Variants in SCHIP1 observed in about 807,000 individuals in gnomAD.
SCHIP1 encodes schwannomin-interacting protein 1.
In SCHIP1, 8 loss-of-function variants were observed where a neutral mutation model predicts 29.7. The observed-to-expected ratio is 0.27, with a 90% confidence interval of 0.16 to 0.49. The LOEUF (loss-of-function observed/expected upper bound fraction) is 0.49, where lower values mean the gene tolerates loss of function less well. Among genes scored for constraint, SCHIP1 ranks in the 20% least tolerant of loss-of-function variants. The pLI is 0.99. For synonymous variants in SCHIP1, 76 were observed against 94.9 expected (o/e 0.80, Z 1.16); for missense variants, 193 against 294.6 (o/e 0.66, Z 2.52).
chr3:159,780,906 A>G, the SCHIP1 span, among the ~76,000 whole-genome samples: 1 of 152,340 alleles, frequency 6.6e-6, no homozygotes, highest in East Asian at 1.9e-4. Flanking sequence ...GTGTGCTCTG[A>G]TGCCAGCTCA....
the SCHIP1 span, among the ~76,000 whole-genome samples, chr3:159,695,623 A>G: frequency 2.6e-5 from 4 of 152,114 alleles, no homozygotes; most frequent in African/African-American, 9.7e-5. Context: ...GGGTACAATA[A>G]ATCCATTTGG....
At chr3:159,569,821 C>A in the SCHIP1 span, among the ~76,000 whole-genome samples, 1 of 152,198 alleles carries the variant, frequency 6.6e-6, no homozygotes, top group Non-Finnish European at 1.5e-5. Flanking sequence ...ATATCCTCTC[C>A]AGCATATGTT....
the SCHIP1 span, among the ~76,000 whole-genome samples, chr3:159,335,386 C>A: frequency 6.6e-5 from 10 of 152,018 alleles, no homozygotes; most frequent in Non-Finnish European, 1.3e-4. Context: ...TACATGTGCA[C>A]AATGCACAGG....
the SCHIP1 span, among the ~76,000 whole-genome samples, chr3:159,309,871 CTGAAG>C: frequency 6.6e-6 from 1 of 152,104 alleles, no homozygotes; most frequent in Non-Finnish European, 1.5e-5. Context: ...TTTAATATAT[CTGAAG>C]TCATTATGAT....
chr3:159,491,894 A>C, the SCHIP1 span, among the ~76,000 whole-genome samples: 1 of 152,178 alleles, frequency 6.6e-6, no homozygotes. Context: ...TACTGCTCTG[A>C]GACAAAACTT....
At chr3:159,486,050 T>C in the SCHIP1 span, among the ~76,000 whole-genome samples, 8 of 152,188 alleles carry the variant, frequency 5.3e-5, no homozygotes, top group African/African-American at 1.7e-4. Flanking sequence ...ATATTTAAGG[T>C]ATACAGTGTG....
chr3:159,348,924 G>A, the SCHIP1 span, among the ~76,000 whole-genome samples: 2 of 152,146 alleles, frequency 1.3e-5, no homozygotes, highest in African/African-American at 4.8e-5. Context: ...CATAAGGAAT[G>A]AGTATTCAGT....
At chr3:159,589,792 C>T in the SCHIP1 span, among the ~76,000 whole-genome samples, 3 of 152,072 alleles carry the variant, frequency 2.0e-5, no homozygotes, top group Non-Finnish European at 4.4e-5. Flanking sequence ...GTTTACTGAG[C>T]AATATTCTGT....
At chr3:159,581,111 T>G in the SCHIP1 span, among the ~76,000 whole-genome samples, 1 of 152,130 alleles carries the variant, frequency 6.6e-6, no homozygotes, top group Non-Finnish European at 1.5e-5. Context: ...ATAATAAAAT[T>G]TGGGGAAGAC....
chr3:159,339,620 G>A, the SCHIP1 span, among the ~76,000 whole-genome samples: 1 of 152,152 alleles, frequency 6.6e-6, no homozygotes, highest in Non-Finnish European at 1.5e-5. Flanking sequence ...TGATAGATGT[G>A]CCTTCATGCA....
chr3:159,702,579 G>A, the SCHIP1 span, among the ~76,000 whole-genome samples: 1 of 152,214 alleles, frequency 6.6e-6, no homozygotes, highest in African/African-American at 2.4e-5. Context: ...AAAGAAGTGA[G>A]CTTCAAAGTC....
chr3:159,399,970 T>G, the SCHIP1 span, among the ~76,000 whole-genome samples: 1 of 152,174 alleles, frequency 6.6e-6, no homozygotes, highest in Non-Finnish European at 1.5e-5. Context: ...CACCTGGGCA[T>G]ATTTTAAAAA....
At chr3:159,794,380 AG>A in the SCHIP1 span, among the ~76,000 whole-genome samples, 8 of 152,334 alleles carry the variant, frequency 5.3e-5, no homozygotes, top group East Asian at 1.5e-3. Context: ...TTGTTTCAGA[AG>A]TGGATTGCAT....
chr3:159,816,575 C>T, the SCHIP1 span, among the ~76,000 whole-genome samples: 1 of 152,196 alleles, frequency 6.6e-6, no homozygotes, highest in Non-Finnish European at 1.5e-5. Flanking sequence ...CCGGCCTCTG[C>T]CTCTGATCCT....
the SCHIP1 span, among the ~76,000 whole-genome samples, chr3:159,382,628 G>C: frequency 6.6e-6 from 1 of 151,726 alleles, no homozygotes; most frequent in Admixed American, 6.6e-5. Context: ...ACCCAGTAAT[G>C]GGATGGCTGG....
the SCHIP1 span, among the ~76,000 whole-genome samples, chr3:159,320,138 C>T: frequency 4.0e-4 from 61 of 152,290 alleles, no homozygotes; most frequent in Non-Finnish European, 6.9e-4. Flanking sequence ...GTTTTTAGTT[C>T]TCCATTAATT....
the SCHIP1 span, among the ~76,000 whole-genome samples, chr3:159,589,644 GTAC>G: frequency 3.9e-5 from 6 of 152,106 alleles, no homozygotes; most frequent in Non-Finnish European, 4.4e-5. Context: ...TTACACATGT[GTAC>G]TAAGCGTTCT....
At chr3:159,696,979 A>G in the SCHIP1 span, among the ~76,000 whole-genome samples, 1 of 152,224 alleles carries the variant, frequency 6.6e-6, no homozygotes, top group Non-Finnish European at 1.5e-5. Context: ...GCCTTGTCTA[A>G]GGAAGCCAGA....
At chr3:159,628,839 G>A in the SCHIP1 span, among the ~76,000 whole-genome samples, 1 of 152,056 alleles carries the variant, frequency 6.6e-6, no homozygotes, top group Non-Finnish European at 1.5e-5. Flanking sequence ...AGCAGCACCT[G>A]ATTATGTTTT....
Sources: gnomAD v4.1 joint callset for allele counts (sites outside exome capture counted in the v4.1 genomes callset) on GRCh38, gnomAD v4.1.1 for gene constraint, MANE v1.5 for transcripts, NCBI Gene and HGNC (gene_info 2026-07-23, HGNC 2026-07-21) for gene names.